ATP8B3: variants seen among roughly 807,000 people sequenced by gnomAD.
The protein encoded by ATP8B3 is ATPase phospholipid transporting 8B3, also known as phospholipid-transporting ATPase IK.
ATP8B3 carries 141 observed loss-of-function variants against 140.9 expected under a neutral mutation model. That is an observed-to-expected ratio of 1.00 (90% CI 0.87 to 1.15). The LOEUF is 1.15. ATP8B3 is among the 50% of genes most tolerant of loss of function. ATP8B3 has a pLI of 0.00. For synonymous variants in ATP8B3, 765 were observed against 714.6 expected (o/e 1.07, Z -1.13); for missense variants, 1,874 against 1,740.6 (o/e 1.08, Z -1.36).
chr19:1,800,127 C>T lies in ATP8B3; in HGVS notation c.1372G>A (p.Val458Ile), dbSNP rs758234993. The change falls in exon 14 of 29, where the codon GTC becomes ATC. Residue 458 changes from valine (V) to isoleucine (I), a missense_variant. By Grantham distance (29) the Val-to-Ile change is conservative. Around this residue, in one of 3 missense-constraint regions of ATP8B3, gnomAD observed 1,032 missense variants for 963.6 expected, o/e 1.07. Coordinates refer to ENST00000310127, the MANE Select transcript of ATP8B3 (RefSeq NM_138813.4). The surrounding 1 kb of genome is among the most constrained non-coding windows in gnomAD (Gnocchi z 4.4). ...LSEFIYLGNS[V>I]FIDWDVQMYY... The stretch of plus-strand genomic sequence containing the variant: ...ATCTGCACGTCCCAGTCGATGAAGA[C>T]GCTGTTCCCCAGGTAGATGAACTCG... 29 of 1,559,882 alleles carry T rather than the reference C, an allele frequency of 1.9e-5. No homozygotes were observed. Among genetic ancestry groups the T allele is most frequent in the Non-Finnish European group, 2.4e-5 (28 of 1,151,884 alleles).
chr19:1,787,246 C>T (rs2068335222), intron 24 of ATP8B3, 60 bp from the exon 25 acceptor site: 1 of 1,430,260 alleles, frequency 7.0e-7, no homozygotes. Context: ...AAGGAGCCTG[C>T]CAAGCAGGCA....
intron 21 of ATP8B3, 44 bp downstream of exon 21, chr19:1,790,713 C>T: frequency 6.6e-7 from 1 of 1,524,606 alleles, no homozygotes; most frequent in Non-Finnish European, 8.8e-7. Flanking sequence ...CTTGTCCTCA[C>T]CTCCCCACTC....
intron 14 of ATP8B3, chr19:1,799,488 G>C (rs1223003894): frequency 1.1e-5 from 3 of 264,466 alleles, no homozygotes; most frequent in Non-Finnish European, 2.1e-5. Context: ...AAAGTCGGCC[G>C]GGCGTGGTGG....
At position 1,809,751 on chromosome 19, in the gene ATP8B3, G is replaced by A. The variant is rs771304263; in HGVS notation, c.311-17C>T. 1.2e-5 allele frequency: 19 copies of A among 1,591,722 alleles called. No homozygotes were observed. The South Asian group carries it at 1.2e-4, about 10-fold the overall frequency. ...AGGTGAATGCTGCAGCGAGAGAGCCGGGCGTCGCTGGAGCTCGAGGCCCAG... is the reference window on the plus strand; with the variant it reads ...AGGTGAATGCTGCAGCGAGAGAGCCAGGCGTCGCTGGAGCTCGAGGCCCAG... On this transcript the variant is annotated splice_polypyrimidine_tract_variant and intron_variant, in intron 3 of 28. Coordinates refer to ENST00000310127, the MANE Select transcript of ATP8B3 (RefSeq NM_138813.4).
chr19:1,789,405 G>C lies in ATP8B3; in HGVS notation c.2801C>G (p.Thr934Ser). 1.9e-6 allele frequency: 3 copies of C among 1,594,762 alleles called. No individual in the cohort carries two copies. The highest frequency in any genetic ancestry group is 2.6e-6 in the Non-Finnish European group (3 of 1,175,118). ...GTTGGCACCGTCCCCGATGGCCAGG[G>C]TCACCACCTGGTGGTACTTCTTGAC... Reference protein sequence around the residue: ...ALVKKYHQVVTLAIGDGANDI... With the variant: ...ALVKKYHQVVSLAIGDGANDI... The change falls in exon 23 of 29, where the codon ACC becomes AGC. Residue 934 changes from threonine to serine, a missense_variant. Around this residue, in one of 3 missense-constraint regions of ATP8B3, gnomAD observed 840 missense variants for 760.9 expected, o/e 1.10. Coordinates refer to ENST00000310127, the MANE Select transcript of ATP8B3 (RefSeq NM_138813.4).
chr19:1,790,092 C>A (rs1273466403), intron 21 of ATP8B3, 103 bp from the exon 22 acceptor site: 2 of 798,860 alleles, frequency 2.5e-6, no homozygotes, highest in East Asian at 5.3e-5. Context: ...CCCACTCCCC[C>A]ACCCCTGCCC....
At chr19:1,801,916 CTCT>C (rs1424273350) in intron 12 of ATP8B3, 37 bp downstream of exon 12, 2 of 1,495,910 alleles carry the variant, frequency 1.3e-6, no homozygotes, top group East Asian at 2.3e-5. Flanking sequence ...CCCTGCACTC[CTCT>C]GTGTTCCTGG....
At chr19:1,785,071 G>T in intron 27 of ATP8B3, 88 bp downstream of exon 27, 2 of 1,481,880 alleles carry the variant, frequency 1.3e-6, no homozygotes, top group East Asian at 4.9e-5. Context: ...ACACTTTGCC[G>T]GACGACTGTC....
rs1270046546 is a variant in ATP8B3, at chr19:1,796,120, G to A, written c.1899C>T (p.Ala633=). Residue 633 remains alanine, a synonymous_variant, in exon 17 of 29, where the codon GCC becomes GCT. Transcript: ENST00000310127. ...TGCGCGTGCTGTTGAAGTCCATTAT[G>A]GCCAGGACCTGGTAGACCCGTTCCT... The part of the protein sequence containing the change: ...LGEERVYQVL[A]IMDFNSTRKR... 1.2e-6 allele frequency: 2 copies of A among 1,612,910 alleles called. No homozygotes were observed. The highest frequency in any genetic ancestry group is 4.5e-5 in the East Asian group (2 of 44,894).
rs143423457 is a variant in ATP8B3 at position 1,786,894 on chromosome 19, G to A, written c.3153+209C>T. ...ACAGGGTGGGGGCTCCCACACACAG[G>A]AGGAGCTGGATGGCCCCGGGATGAG... On this transcript the variant is annotated intron_variant, in intron 25 of 28. Transcript: ENST00000310127. Among the ~76,000 whole-genome samples, 247 of 152,318 alleles carry A rather than the reference G, an allele frequency of 1.6e-3. 3 individuals carry two copies. The East Asian group carries it at 0.021, about 13-fold the overall frequency.
At chr19:1,786,978 C>A (rs368746804) in intron 25 of ATP8B3, 125 bp downstream of exon 25, 1 of 842,208 alleles carries the variant, frequency 1.2e-6, no homozygotes, top group Non-Finnish European at 1.8e-6. Flanking sequence ...CTGGACTGCA[C>A]CCCCTGAGCC....
rs1008500704 is a variant in ATP8B3, at chr19:1,806,231, G to C, written c.678-62C>G. On this transcript the variant is annotated intron_variant, in intron 7 of 28. Transcript: ENST00000310127. This position sits in a 1 kb window ranked among gnomAD's most constrained non-coding sequence, Gnocchi z 5.6. ...TCTGCCAACCCTCCCCACACCGGGA[G>C]ACCAGAGGCACGGGATGACGGGGGG... 6.5e-7 allele frequency: 1 copy of C among 1,545,562 alleles called. No homozygotes were observed. Among genetic ancestry groups the C allele is most frequent in the Non-Finnish European group, 8.7e-7 (1 of 1,147,168 alleles).
intron 16 of ATP8B3, 39 bp downstream of exon 16, chr19:1,796,672 G>C: frequency 6.3e-7 from 1 of 1,592,400 alleles, no homozygotes; most frequent in Non-Finnish European, 8.5e-7. Flanking sequence ...TGCCCCGGGG[G>C]CTGAGCGGCC....
At position 1,789,060 on chromosome 19, in the gene ATP8B3, T is replaced by G. The variant is rs371311608; in HGVS notation, c.2906A>C (p.Asp969Ala). The G allele has an allele frequency of 1.1e-4, 184 of 1,601,678 alleles. No homozygotes were observed. In the Middle Eastern group the frequency reaches 2.1e-3, roughly 18 times the overall value. ...QEGMQAVQNS[D>A]FVLGQFCFLQ... ...GAAGCAGAACTGGCCGAGCACGAAG[T>G]CGCTGTTCTGAACTGCCTGCATGCC... Residue 969 changes from aspartate to alanine, a missense_variant, in exon 24 of 29, where the codon GAC becomes GCC. This residue lies in a region of ATP8B3 where 840 missense variants were observed against 760.9 expected (regional missense o/e 1.10). Coordinates refer to ENST00000310127, the MANE Select transcript of ATP8B3 (RefSeq NM_138813.4).
chr19:1,784,719 GA>G lies in ATP8B3; in HGVS notation c.3660+99del, dbSNP rs1600383432. The G allele has an allele frequency of 7.8e-6, 11 of 1,411,800 alleles. No individual in the cohort carries two copies. The East Asian group carries it at 2.5e-4, about 32-fold the overall frequency. The allele number at this position is 1,411,800 out of a possible 1,614,324, so 87.5% of individuals were successfully genotyped here. Reference sequence around the variant, plus strand: ...CAAGCCTAGTGTCTTGGAGGGCCGAGAGGGGCCGGGACACCTTGCAGTCCCT... The same window carrying G: ...CAAGCCTAGTGTCTTGGAGGGCCGAGGGGGCCGGGACACCTTGCAGTCCCT... On this transcript the variant is annotated intron_variant, in intron 28 of 28. Transcript: ENST00000310127.
chr19:1,803,239 T>C (rs12463241), intron 10 of ATP8B3, among the ~76,000 whole-genome samples: 1 of 151,734 alleles, frequency 6.6e-6, no homozygotes, highest in Non-Finnish European at 1.5e-5. Flanking sequence ...TCAGTGAGGG[T>C]TAAAATGACA....
chr19:1,793,479 C>G (rs1478590447), intron 18 of ATP8B3, among the ~76,000 whole-genome samples: 1 of 152,164 alleles, frequency 6.6e-6, no homozygotes, highest in Non-Finnish European at 1.5e-5. Flanking sequence ...TGGGGCTCCC[C>G]CAGTCCCAGG....
At chr19:1,801,652 T>G (rs1334284824) in intron 12 of ATP8B3, among the ~76,000 whole-genome samples, 2 of 152,084 alleles carry the variant, frequency 1.3e-5, no homozygotes, top group Admixed American at 1.3e-4. Flanking sequence ...CTCGAGGGGC[T>G]GAGGCAGGAG....
intron 22 of ATP8B3, 30 bp from the exon 23 acceptor site, chr19:1,789,757 C>T (rs748025155): frequency 6.5e-7 from 1 of 1,540,404 alleles, no homozygotes; most frequent in East Asian, 2.3e-5. Context: ...CTGTGCCAGG[C>T]GCCGTGGCCT....
Sources: gnomAD v4.1 joint callset for allele counts (sites outside exome capture counted in the v4.1 genomes callset) on GRCh38, gnomAD v4.1.1 for gene constraint, gnomAD v4.1.1 regional missense constraint, Gnocchi (gnomAD v3.1) non-coding constraint, MANE v1.5 for transcripts, NCBI Gene and HGNC (gene_info 2026-07-23, HGNC 2026-07-21) for gene names.